WDR12: variants seen among roughly 807,000 people sequenced by gnomAD.
WDR12 encodes WD repeat domain 12.
A neutral mutation model predicts 64.3 loss-of-function variants in WDR12; 42 were observed. That is an observed-to-expected ratio of 0.65 (90% CI 0.51 to 0.84). The LOEUF is 0.84. Among genes scored for constraint, WDR12 ranks in the 40% least tolerant of loss-of-function variants. The probability of loss-of-function intolerance (pLI) is 0.00; values close to 1 mark genes in which losing one functional copy is unlikely to be tolerated. For missense variants in WDR12, 469 were observed against 494.6 expected (o/e 0.95, Z 0.49); for synonymous variants, 158 against 173.3 (o/e 0.91, Z 0.70).
chr2:202,883,713 C>G lies in WDR12; in HGVS notation c.1017G>C (p.Thr339=), dbSNP rs200085067. 4.3e-6 allele frequency: 7 copies of G among 1,613,778 alleles called. No individual in the cohort carries two copies. The African/African-American group carries it at 6.7e-5, about 15-fold the overall frequency. ...KDGSLVSLSL[T]SHTGWVTSVK... ...CTGATGTCACCCAACCAGTATGTGACGTTAGGGACAGCGACACCAAAGAAC... is the reference window on the plus strand; with the variant it reads ...CTGATGTCACCCAACCAGTATGTGAGGTTAGGGACAGCGACACCAAAGAAC... The change falls in exon 11 of 13, where the codon ACG becomes ACC. Residue 339 remains threonine, a synonymous_variant. Transcript: ENST00000261015.
At chr2:202,909,782 ATTATTTAT>A (rs368055241) in intron 1 of WDR12, among the ~76,000 whole-genome samples, 71 of 150,888 alleles carry the variant, frequency 4.7e-4, no homozygotes, top group East Asian at 1.7e-3. Context: ...CAAGAATTTT[ATTATTTAT>A]TTATTTATTT....
Position 202,894,828 on chromosome 2 carries a change from T to G in WDR12, c.610-202A>C, listed in dbSNP as rs1559161204. 13 of 447,918 alleles carry G rather than the reference T, an allele frequency of 2.9e-5. No homozygotes were observed. In the East Asian group the frequency reaches 5.0e-4, roughly 17 times the overall value. 27.7% of individuals were successfully genotyped at this position (447,918 alleles called of 1,614,324 possible). ...AGGCCAAGCTTATTGCCATGTCTTTTGAAGAAAGCCAATCTGAAGTGAGAG... is the reference window on the plus strand; with the variant it reads ...AGGCCAAGCTTATTGCCATGTCTTTGGAAGAAAGCCAATCTGAAGTGAGAG... On this transcript the variant is annotated intron_variant, in intron 6 of 12. Coordinates refer to ENST00000261015, the MANE Select transcript of WDR12 (RefSeq NM_018256.4).
chr2:202,894,400 T>G (rs966936706), intron 7 of WDR12, among the ~76,000 whole-genome samples, 181 bp downstream of exon 7: 9 of 152,148 alleles, frequency 5.9e-5, no homozygotes, highest in African/African-American at 2.2e-4. Context: ...TTTTCTACTT[T>G]TAGTAGAGAC....
chr2:202,882,663 T>TTTATTC, intron 12 of WDR12, 48 bp downstream of exon 12: 1 of 1,571,060 alleles, frequency 6.4e-7, no homozygotes, highest in Non-Finnish European at 8.8e-7. Flanking sequence ...AAACACCAGA[T>TTTATTC]TTATTCTAGT....
intron 10 of WDR12, among the ~76,000 whole-genome samples, chr2:202,883,961 C>T (rs536918337): frequency 1.1e-4 from 16 of 152,116 alleles, no homozygotes; most frequent in Admixed American, 2.0e-4. Context: ...TACAGGCACG[C>T]GCCACCACAC....
intron 2 of WDR12, among the ~76,000 whole-genome samples, chr2:202,905,460 A>G (rs1688439116): frequency 1.3e-5 from 2 of 152,192 alleles, no homozygotes; most frequent in Admixed American, 1.3e-4. Flanking sequence ...CTTTTATCTG[A>G]AAGTCACGCC....
intron 8 of WDR12, among the ~76,000 whole-genome samples, chr2:202,891,564 T>C (rs1234390339): frequency 1.3e-5 from 2 of 152,212 alleles, no homozygotes; most frequent in African/African-American, 2.4e-5. Flanking sequence ...TATAAATCAT[T>C]ACTTTCAGCT....
chr2:202,906,840 ATACTT>A (rs1172539833), intron 2 of WDR12, among the ~76,000 whole-genome samples: 1 of 152,240 alleles, frequency 6.6e-6, no homozygotes, highest in East Asian at 1.9e-4. Flanking sequence ...TTTTTAAAAA[ATACTT>A]TATTATAGAA....
At chr2:202,894,367 C>T (rs1688204163) in intron 7 of WDR12, among the ~76,000 whole-genome samples, 1 of 152,224 alleles carries the variant, frequency 6.6e-6, no homozygotes, top group East Asian at 1.9e-4. Flanking sequence ...CCGGTGCATA[C>T]CACCACACCT....
intron 7 of WDR12, among the ~76,000 whole-genome samples, chr2:202,893,168 ATCTTTGTTAT>A (rs1688183473): frequency 6.6e-6 from 1 of 152,028 alleles, no homozygotes; most frequent in Non-Finnish European, 1.5e-5. Context: ...AGTTTTTAAA[ATCTTTGTTAT>A]ACATCACTTG....
intron 8 of WDR12, among the ~76,000 whole-genome samples, chr2:202,887,360 A>G (rs935847255): frequency 3.3e-5 from 5 of 152,298 alleles, no homozygotes; most frequent in Non-Finnish European, 7.3e-5. Context: ...TACAACACTT[A>G]TAATTGTAAA....
chr2:202,893,343 T>A (rs1259436970), intron 7 of WDR12, among the ~76,000 whole-genome samples: 1 of 152,144 alleles, frequency 6.6e-6, no homozygotes, highest in East Asian at 1.9e-4. Context: ...TTGTGGCTTT[T>A]ATGGATATTA....
At chr2:202,887,353 A>G (rs776327791) in intron 8 of WDR12, among the ~76,000 whole-genome samples, 1 of 152,152 alleles carries the variant, frequency 6.6e-6, no homozygotes, top group Non-Finnish European at 1.5e-5. Context: ...TTGTTTTTAC[A>G]ACACTTATAA....
chr2:202,892,052 T>G (rs1026703653), intron 8 of WDR12, among the ~76,000 whole-genome samples: 6 of 152,250 alleles, frequency 3.9e-5, no homozygotes, highest in African/African-American at 1.4e-4. Flanking sequence ...ACAATGTTTA[T>G]GTGTATCTAA....
intron 8 of WDR12, among the ~76,000 whole-genome samples, chr2:202,887,610 C>T (rs1024722934): frequency 3.3e-5 from 5 of 151,996 alleles, no homozygotes; most frequent in South Asian, 4.2e-4. Flanking sequence ...CATGGTAGGC[C>T]GGGCGCGGTG....
intron 2 of WDR12, among the ~76,000 whole-genome samples, chr2:202,905,797 T>A (rs151160809): frequency 1.7e-4 from 26 of 152,306 alleles, no homozygotes; most frequent in Admixed American, 4.6e-4. Context: ...TATTCTCACT[T>A]ATTTGTGGGA....
chr2:202,887,500 C>A (rs978132337), intron 8 of WDR12, among the ~76,000 whole-genome samples: 1 of 152,158 alleles, frequency 6.6e-6, no homozygotes, highest in African/African-American at 2.4e-5. Context: ...AGTAAAGGAA[C>A]CTGATAGAGG....
chr2:202,883,166 T>TG (rs1687985716), intron 11 of WDR12, among the ~76,000 whole-genome samples: 1 of 152,108 alleles, frequency 6.6e-6, no homozygotes, highest in Non-Finnish European at 1.5e-5. Flanking sequence ...GATGGAGTCT[T>TG]GGTCTGTTGC....
rs1219964990 is a variant in WDR12 at position 202,874,452 on chromosome 2, G to C, written c.*6408C>G. Among the ~76,000 whole-genome samples, 1 of 152,134 alleles carries C rather than the reference G, an allele frequency of 6.6e-6. No homozygotes were observed. The highest frequency in any genetic ancestry group is 2.4e-5 in the African/African-American group (1 of 41,430). On this transcript the variant is annotated 3_prime_UTR_variant, in exon 13 of 13. Coordinates refer to ENST00000261015, the MANE Select transcript of WDR12 (RefSeq NM_018256.4). ...GCTCCACAAATGGGATCCAAACCTA[G>C]AGTCTTAGTTTCTTTAAAGACTAAT...
Sources: gnomAD v4.1 joint callset for allele counts (sites outside exome capture counted in the v4.1 genomes callset) on GRCh38, gnomAD v4.1.1 for gene constraint, MANE v1.5 for transcripts, NCBI Gene and HGNC (gene_info 2026-07-23, HGNC 2026-07-21) for gene names.